Variants in FBN1 observed in about 807,000 individuals in gnomAD.
FBN1 encodes the protein fibrillin-1.
A neutral mutation model predicts 365.1 loss-of-function variants in FBN1; 29 were observed. The observed-to-expected ratio is 0.08, with a 90% CI of 0.06 to 0.11. The LOEUF (loss-of-function observed/expected upper bound fraction) is 0.11. FBN1 is among the 10% of genes least tolerant of loss of function. The pLI is 1.00. For synonymous variants in FBN1, 1,210 were observed against 1,270.5 expected (o/e 0.95, Z 1.01); for missense variants, 2,476 against 3,703.2 (o/e 0.67, Z 8.60).
intron 9 of FBN1, among the ~76,000 whole-genome samples, chr15:48,525,236 G>A (rs1345279025): frequency 1.3e-5 from 2 of 151,890 alleles, no homozygotes; most frequent in South Asian, 2.1e-4. Context: ...ACAGGCACCC[G>A]CCACGACGCC....
At chr15:48,636,810 C>T (rs1890102076) in intron 2 of FBN1, among the ~76,000 whole-genome samples, 1 of 152,216 alleles carries the variant, frequency 6.6e-6, no homozygotes, top group Non-Finnish European at 1.5e-5. Flanking sequence ...AGACAAGATT[C>T]CCCACTGTGT....
intron 44 of FBN1, among the ~76,000 whole-genome samples, chr15:48,453,595 T>C (rs1159795936): frequency 1.3e-5 from 2 of 152,096 alleles, no homozygotes; most frequent in African/African-American, 4.8e-5. Flanking sequence ...TATAAATTTT[T>C]CCAAACCCAT....
intron 4 of FBN1, among the ~76,000 whole-genome samples, chr15:48,600,871 G>A (rs1474369642): frequency 1.3e-5 from 2 of 152,136 alleles, no homozygotes; most frequent in African/African-American, 4.8e-5. Context: ...AGATTATGAT[G>A]GCAATAATTT....
At position 48,420,752 on chromosome 15, in the gene FBN1, A is replaced by G. The variant is rs727503054; in HGVS notation, c.7754T>C (p.Ile2585Thr). The G allele has an allele frequency of 6.8e-6, 11 of 1,614,106 alleles. No homozygotes were observed. Among genetic ancestry groups the G allele is most frequent in the South Asian group, 2.2e-5 (2 of 91,080 alleles). The change falls in exon 63 of 66, where the codon ATT (isoleucine) becomes ACT (threonine). Residue 2585 changes from isoleucine (I) to threonine (T), a missense_variant. Physicochemically the swap from Ile to Thr is moderately conservative, Grantham distance 89 (BLOSUM62 -1). This residue lies in a region of FBN1 where 1,780 missense variants were observed against 2,840.8 expected (regional missense o/e 0.63). Transcript: ENST00000316623. ...GGGGCAGCTGCACCTGTAGCCCCCA[A>G]TGATGTTCTGGCAGCCATGCTGGCA... ...HRCQHGCQNI[I>T]GGYRCSCPQG...
At chr15:48,591,525 ATC>A (rs778455657) in intron 6 of FBN1, among the ~76,000 whole-genome samples, 2 of 152,374 alleles carry the variant, frequency 1.3e-5, no homozygotes, top group South Asian at 2.1e-4. Context: ...ACACACAGGA[ATC>A]TCTCTCTTTC....
chr15:48,490,769 T>A (rs1226730974), intron 24 of FBN1, among the ~76,000 whole-genome samples: 1 of 152,216 alleles, frequency 6.6e-6, no homozygotes, highest in Non-Finnish European at 1.5e-5. Flanking sequence ...TGGATTTTGG[T>A]CCTCTTCTGT....
chr15:48,516,269 G>C lies in FBN1; in HGVS notation c.1241C>G (p.Pro414Arg). 3 of 1,613,956 alleles carry C rather than the reference G, an allele frequency of 1.9e-6. No individual in the cohort carries two copies. The highest frequency in any genetic ancestry group is 1.7e-6 in the Non-Finnish European group (2 of 1,179,930). The part of the protein sequence containing the change: ...PPLGPIPPVL[P>R]VPPGFPPGPQ... Reference sequence around the variant, plus strand: ...TCCAGGAGGAAAGCCAGGAGGAACAGGGAGAACTGGAGGAATGGGGCCAAG... The same window carrying C: ...TCCAGGAGGAAAGCCAGGAGGAACACGGAGAACTGGAGGAATGGGGCCAAG... Residue 414 changes from proline (P) to arginine (R), a missense_variant, in exon 11 of 66, where the codon CCT becomes CGT. Around this residue, in one of 5 missense-constraint regions of FBN1, gnomAD observed 421 missense variants for 520.1 expected, o/e 0.81. Transcript: ENST00000316623.
At chr15:48,538,168 A>G (rs894746332) in intron 6 of FBN1, among the ~76,000 whole-genome samples, 7 of 152,214 alleles carry the variant, frequency 4.6e-5, no homozygotes, top group African/African-American at 7.2e-5. Context: ...ACACTGAATC[A>G]GCTCCTATGC....
At chr15:48,415,387 A>T in intron 64 of FBN1, 149 bp downstream of exon 64, 1 of 695,582 alleles carries the variant, frequency 1.4e-6, no homozygotes, top group South Asian at 1.6e-5. Context: ...AAAATAACCT[A>T]AAACTTTTGC....
intron 60 of FBN1, among the ~76,000 whole-genome samples, chr15:48,423,290 A>C (rs1303455738): frequency 6.6e-6 from 1 of 152,220 alleles, no homozygotes; most frequent in Non-Finnish European, 1.5e-5. Context: ...CAGCTTTGCC[A>C]GTGACTGCTT....
At chr15:48,493,791 A>G (rs1311542060) in intron 23 of FBN1, among the ~76,000 whole-genome samples, 1 of 152,246 alleles carries the variant, frequency 6.6e-6, no homozygotes, top group Non-Finnish European at 1.5e-5. Context: ...CTCCATGCAG[A>G]CTTTCAACAA....
At chr15:48,530,396 A>G (rs1292984398) in intron 8 of FBN1, among the ~76,000 whole-genome samples, 1 of 152,238 alleles carries the variant, frequency 6.6e-6, no homozygotes, top group Non-Finnish European at 1.5e-5. Context: ...AAGAACCCCC[A>G]CATAGCATCT....
At chr15:48,521,505 TTTG>T (rs1302756715) in intron 9 of FBN1, among the ~76,000 whole-genome samples, 2 of 152,184 alleles carry the variant, frequency 1.3e-5, no homozygotes, top group Non-Finnish European at 2.9e-5. Context: ...CTAGAAGGAT[TTTG>T]TTGTTGTTTT....
At chr15:48,415,934 G>A (rs903311891) in intron 63 of FBN1, among the ~76,000 whole-genome samples, 167 bp from the exon 64 acceptor site, 1 of 152,160 alleles carries the variant, frequency 6.6e-6, no homozygotes, top group Non-Finnish European at 1.5e-5. Flanking sequence ...AGAAAGATGC[G>A]GGCATGGATG....
intron 6 of FBN1, among the ~76,000 whole-genome samples, chr15:48,571,163 C>T (rs2044303219): frequency 6.6e-6 from 1 of 152,132 alleles, no homozygotes; most frequent in South Asian, 2.1e-4. Flanking sequence ...TTTAGCAACA[C>T]CCATCAGCCT....
At chr15:48,528,364 T>C (rs1486390199) in intron 8 of FBN1, among the ~76,000 whole-genome samples, 3 of 152,318 alleles carry the variant, frequency 2.0e-5, no homozygotes, top group East Asian at 1.9e-4. Context: ...AGAACAATAA[T>C]GATGAGAGTT....
intron 6 of FBN1, among the ~76,000 whole-genome samples, chr15:48,551,771 T>C (rs2044144195): frequency 6.6e-6 from 1 of 152,188 alleles, no homozygotes; most frequent in Non-Finnish European, 1.5e-5. Flanking sequence ...ATATGTAGTA[T>C]TTGGTTTCTG....
chr15:48,428,357 T>C lies in FBN1; in HGVS notation c.6986A>G (p.Asp2329Gly). ...NDGFTASPNQ[D>G]ECLDNREGYC... ...CCAACTGTACTCACCAAGGCACTCG[T>C]CCTGGTTGGGGCTGGCGGTAAACCC... Residue 2329 changes from aspartate (D) to glycine (G), a missense_variant, in exon 57 of 66, where the codon GAC becomes GGC. Coordinates refer to ENST00000316623, the MANE Select transcript of FBN1 (RefSeq NM_000138.5). 6.2e-7 allele frequency: 1 copy of C among 1,614,098 alleles called. No individual in the cohort carries two copies. Among genetic ancestry groups the C allele is most frequent in the Non-Finnish European group, 8.5e-7 (1 of 1,179,982 alleles).
intron 14 of FBN1, 67 bp downstream of exon 14, chr15:48,509,977 T>C (rs1481464614): frequency 1.9e-6 from 3 of 1,553,044 alleles, no homozygotes; most frequent in African/African-American, 2.7e-5. Context: ...TATTTGGTCT[T>C]GTTAAAGACC....
Sources: allele counts gnomAD v4.1 joint callset (sites outside exome capture counted in the v4.1 genomes callset), GRCh38; gene constraint gnomAD v4.1.1; regional missense constraint gnomAD v4.1.1; transcripts MANE v1.5; gene names NCBI Gene and HGNC (gene_info 2026-07-23, HGNC 2026-07-21).